The following RTRAF variants were observed in gnomAD, a reference collection of about 807,000 sequenced individuals.
The protein encoded by RTRAF is tRNA-splicing ligase complex subunit RTRAF.
Under a neutral mutation model 34.4 loss-of-function variants are expected in RTRAF, and 14 were observed. That is an observed-to-expected ratio of 0.41 (90% CI 0.27 to 0.64). The LOEUF (loss-of-function observed/expected upper bound fraction) is 0.64. RTRAF is among the 30% of genes least tolerant of loss of function. The pLI is 0.34. For synonymous variants in RTRAF, 96 were observed against 95.3 expected (o/e 1.01, Z -0.04); for missense variants, 291 against 288.4 (o/e 1.01, Z -0.06).
rs1006569361 is a variant in RTRAF, at chr14:52,007,699, A to T, written c.*3183A>T. 2.0e-6 allele frequency: 2 copies of T among 1,001,250 alleles called. No individual in the cohort carries two copies. Among genetic ancestry groups the T allele is most frequent in the East Asian group, 4.8e-5 (2 of 41,646 alleles). The allele number at this position is 1,001,250 out of a possible 1,614,324, so 62.0% of individuals were successfully genotyped here. A position where few individuals can be genotyped will look rare whatever the true frequency, so the allele number is the denominator to read the frequency against. On this transcript the variant is annotated 3_prime_UTR_variant, in exon 8 of 8. Transcript: ENST00000261700. ...TTTACTAGTACTTAAAAGTTTACAG[A>T]CCAAAGAAAGGAGATCTAAGTGATG... is the stretch of plus-strand genomic sequence containing the variant.
chr14:52,003,972 G>A (rs1890657951), intron 6 of RTRAF: 1 of 553,386 alleles, frequency 1.8e-6, no homozygotes, highest in Admixed American at 3.5e-5. Context: ...AGAGCTTCCT[G>A]GTACATTTAA....
rs1206383682 is a variant in RTRAF at position 52,008,491 on chromosome 14, CT to C, written c.*3977del. The C allele has an allele frequency of 1.3e-5, 2 of 152,554 alleles. No individual in the cohort carries two copies. The highest frequency in any genetic ancestry group is 3.9e-4 in the East Asian group (2 of 5,194). The allele number at this position is 152,554 out of a possible 1,614,324, so 9.5% of individuals were successfully genotyped here. On this transcript the variant is annotated 3_prime_UTR_variant, in exon 8 of 8. Transcript: ENST00000261700. ...CAGAAACTGTGAGACTAAATGTTAT[CT>C]TACACTGCTGAGGGTTTGGGCAATT... is the stretch of plus-strand genomic sequence containing the variant.
chr14:52,004,643 A>C lies in RTRAF; in HGVS notation c.*127A>C. The C allele has an allele frequency of 1.3e-6, 1 of 791,402 alleles. No individual in the cohort carries two copies. The highest frequency in any genetic ancestry group is 2.0e-6 in the Non-Finnish European group (1 of 511,480). 49.0% of individuals were successfully genotyped at this position (791,402 alleles called of 1,614,324 possible). A position where few individuals can be genotyped will look rare whatever the true frequency, so the allele number is the denominator to read the frequency against. The stretch of plus-strand genomic sequence containing the variant: ...CCAGAAAATTGGGTATGTTCTAGAG[A>C]TTTACCACCATTGCTTATTGCTTTT... On this transcript the variant is annotated 3_prime_UTR_variant, in exon 8 of 8. Transcript: ENST00000261700.
chr14:52,005,975 G>T lies in RTRAF; in HGVS notation c.*1459G>T. On this transcript the variant is annotated 3_prime_UTR_variant, in exon 8 of 8. Coordinates refer to ENST00000261700, the MANE Select transcript of RTRAF (RefSeq NM_016039.3). ...CAGCCTTCTCTGTCCCAGGGCTGGT[G>T]CTAAAGCCATACTGAAGTTTGAAGA... 1 of 676,718 alleles carries T rather than the reference G, an allele frequency of 1.5e-6. No individual in the cohort carries two copies. Among genetic ancestry groups the T allele is most frequent in the Non-Finnish European group, 2.7e-6 (1 of 377,232 alleles). The allele number at this position is 676,718 out of a possible 1,614,324, so 41.9% of individuals were successfully genotyped here.
chr14:51,989,958 C>T (rs1890400350), intron 1 of RTRAF, among the ~76,000 whole-genome samples: 1 of 152,254 alleles, frequency 6.6e-6, no homozygotes, highest in African/African-American at 2.4e-5. Context: ...TAACTACCTT[C>T]TCTGTACATA....
At chr14:51,997,723 G>T (rs1458816487) in intron 3 of RTRAF, among the ~76,000 whole-genome samples, 2 of 151,528 alleles carry the variant, frequency 1.3e-5, no homozygotes, top group African/African-American at 4.9e-5. Flanking sequence ...TTGATGTATT[G>T]ATTTTTTTGG....
rs1031419885 is a variant in RTRAF, at chr14:52,010,170, C to G, written c.*5654C>G. ...TTGAAACCACCTTTGAGGCACTGCA[C>G]TAAGTATTTCATAGTCAAAAAGCAC... On this transcript the variant is annotated 3_prime_UTR_variant, in exon 8 of 8. Transcript: ENST00000261700. The G allele has an allele frequency of 2.0e-5, 3 of 152,134 alleles. No individual in the cohort carries two copies. The highest frequency in any genetic ancestry group is 6.5e-5 in the Admixed American group (1 of 15,278). 9.4% of individuals were successfully genotyped at this position (152,134 alleles called of 1,614,324 possible).
At position 51,989,690 on chromosome 14, in the gene RTRAF, C is replaced by T; in HGVS notation, c.51C>T (p.Phe17=). The T allele has an allele frequency of 6.2e-7, 1 of 1,604,356 alleles. No homozygotes were observed. Among genetic ancestry groups the T allele is most frequent in the African/African-American group, 1.3e-5 (1 of 74,572 alleles). The part of the protein sequence containing the change: ...TALDYHNPAG[F]NCKDETEFRN... Reference sequence around the variant, plus strand: ...TCGACTACCACAACCCCGCCGGCTTCAACTGCAAAGGTGAGGCGGCGGCCT... The same window carrying T: ...TCGACTACCACAACCCCGCCGGCTTTAACTGCAAAGGTGAGGCGGCGGCCT... Residue 17 remains phenylalanine (F), a synonymous_variant, in exon 1 of 8, where the codon TTC becomes TTT. Transcript: ENST00000261700.
In RTRAF at chr14:52,004,619, C is replaced by T. The variant is rs1265754687; in HGVS notation, c.*103C>T. 1.7e-6 allele frequency: 2 copies of T among 1,173,730 alleles called. No homozygotes were observed. Among genetic ancestry groups the T allele is most frequent in the African/African-American group, 3.1e-5 (2 of 63,982 alleles). The allele number at this position is 1,173,730 out of a possible 1,614,324, so 72.7% of individuals were successfully genotyped here. A position where few individuals can be genotyped will look rare whatever the true frequency, so the allele number is the denominator to read the frequency against. On this transcript the variant is annotated 3_prime_UTR_variant, in exon 8 of 8. Coordinates refer to ENST00000261700, the MANE Select transcript of RTRAF (RefSeq NM_016039.3). ...TGTCACATTCTCGGGGGAGGAAGCC[C>T]AGAAAATTGGGTATGTTCTAGAGAT... is the stretch of plus-strand genomic sequence containing the variant.
At chr14:51,991,194 TTCA>T (rs1890428936) in intron 1 of RTRAF, 120 bp from the exon 2 acceptor site, 2 of 986,714 alleles carry the variant, frequency 2.0e-6, no homozygotes, top group East Asian at 5.1e-5. Context: ...CCTCTTTTGG[TTCA>T]ATTAATTTAG....
In RTRAF at chr14:51,999,807, T is replaced by G; in HGVS notation, c.462+11T>G. On this transcript the variant is annotated intron_variant, in intron 5 of 7. Transcript: ENST00000261700. ...CTGGTAATGCTTAAGGTCAGCTTCA[T>G]GTTCTTGATTCTTGACAGAAACTGT... 6.3e-7 allele frequency: 1 copy of G among 1,584,844 alleles called. No homozygotes were observed. The highest frequency in any genetic ancestry group is 1.1e-5 in the South Asian group (1 of 88,232).
chr14:52,002,330 T>G (rs925063495), intron 6 of RTRAF, among the ~76,000 whole-genome samples: 1 of 152,210 alleles, frequency 6.6e-6, no homozygotes, highest in Non-Finnish European at 1.5e-5. Context: ...GAGAAAGTAA[T>G]TTGGCTAAGG....
chr14:51,998,597 A>G lies in RTRAF; in HGVS notation c.373+17A>G, dbSNP rs1232472220. The stretch of plus-strand genomic sequence containing the variant: ...ATTTGGATGGTGAGTATATAAATGC[A>G]TAACATTGAACATCAACATTTTTGG... On this transcript the variant is annotated intron_variant, in intron 4 of 7. Coordinates refer to ENST00000261700, the MANE Select transcript of RTRAF (RefSeq NM_016039.3). The G allele has an allele frequency of 5.3e-6, 8 of 1,501,074 alleles. No individual in the cohort carries two copies. Among genetic ancestry groups the G allele is most frequent in the African/African-American group, 2.8e-5 (2 of 70,320 alleles). The allele number at this position is 1,501,074 out of a possible 1,614,324, so 93.0% of individuals were successfully genotyped here.
At position 51,989,577 on chromosome 14, in the gene RTRAF, C is replaced by A. The variant is rs140907299; in HGVS notation, c.-63C>A. On this transcript the variant is annotated 5_prime_UTR_variant, in exon 1 of 8. Transcript: ENST00000261700. ...CCGCGTCGCCGGTGCCTGCGCCTCC[C>A]GCTCCACCTCGCTTCTTCTCTCCCG... 458 of 1,525,288 alleles carry A rather than the reference C, an allele frequency of 3.0e-4. 2 individuals are homozygous for A. In the East Asian group the frequency reaches 0.011, roughly 36 times the overall value. 94.5% of individuals were successfully genotyped at this position (1,525,288 alleles called of 1,614,324 possible). A position where few individuals can be genotyped will look rare whatever the true frequency, so the allele number is the denominator to read the frequency against.
intron 6 of RTRAF, among the ~76,000 whole-genome samples, chr14:52,002,762 C>T (rs901156657): frequency 6.6e-6 from 1 of 152,206 alleles, no homozygotes; most frequent in African/African-American, 2.4e-5. Context: ...TTTGTCCTCC[C>T]TGCGCCCTTC....
chr14:52,008,213 C>A lies in RTRAF; in HGVS notation c.*3697C>A, dbSNP rs915338348. ...CTGCCTTAGGGGCTCTCTCTTGCTC[C>A]CTTTGAGGGAAGCTGGATGCCATGT... On this transcript the variant is annotated 3_prime_UTR_variant, in exon 8 of 8. Coordinates refer to ENST00000261700, the MANE Select transcript of RTRAF (RefSeq NM_016039.3). 5.8e-5 allele frequency: 21 copies of A among 364,406 alleles called. No individual in the cohort carries two copies. Among genetic ancestry groups the A allele is most frequent in the Non-Finnish European group, 9.9e-5 (20 of 202,240 alleles). The allele number at this position is 364,406 out of a possible 1,614,324, so 22.6% of individuals were successfully genotyped here. A position where few individuals can be genotyped will look rare whatever the true frequency, so the allele number is the denominator to read the frequency against.
At position 52,007,691 on chromosome 14, in the gene RTRAF, G is replaced by T; in HGVS notation, c.*3175G>T. ...TACTTAAATTTACTAGTACTTAAAA[G>T]TTTACAGACCAAAGAAAGGAGATCT... On this transcript the variant is annotated 3_prime_UTR_variant, in exon 8 of 8. Coordinates refer to ENST00000261700, the MANE Select transcript of RTRAF (RefSeq NM_016039.3). 1 of 952,728 alleles carries T rather than the reference G, an allele frequency of 1.0e-6. No individual in the cohort carries two copies. The highest frequency in any genetic ancestry group is 1.6e-6 in the Non-Finnish European group (1 of 617,156). 59.0% of individuals were successfully genotyped at this position (952,728 alleles called of 1,614,324 possible).
Position 52,005,476 on chromosome 14 carries a change from A to G in RTRAF, c.*960A>G, listed in dbSNP as rs377006679. On this transcript the variant is annotated 3_prime_UTR_variant, in exon 8 of 8. Coordinates refer to ENST00000261700, the MANE Select transcript of RTRAF (RefSeq NM_016039.3). ...TTGTAAACTCCAAGTCTTCCTTTAC[A>G]TTACTGTACTTACTTTCTTCCTGTG... is the stretch of plus-strand genomic sequence containing the variant. 2.8e-5 allele frequency: 45 copies of G among 1,591,092 alleles called. No homozygotes were observed. In the African/African-American group the frequency reaches 3.8e-4, roughly 13 times the overall value.
Position 52,005,752 on chromosome 14 carries a change from G to T in RTRAF, c.*1236G>T, listed in dbSNP as rs144037790. On this transcript the variant is annotated 3_prime_UTR_variant, in exon 8 of 8. Transcript: ENST00000261700. ...TACTTTTTACCTGTTGGGCAGTAGGGGTAGACTGCAGTTATCCCGTAGAGG... is the reference window on the plus strand; with the variant it reads ...TACTTTTTACCTGTTGGGCAGTAGGTGTAGACTGCAGTTATCCCGTAGAGG... The T allele has an allele frequency of 3.7e-6, 6 of 1,612,140 alleles. No homozygotes were observed. The highest frequency in any genetic ancestry group is 1.1e-5 in the South Asian group (1 of 91,034).
Sources: allele counts gnomAD v4.1 joint callset (sites outside exome capture counted in the v4.1 genomes callset), GRCh38; gene constraint gnomAD v4.1.1; transcripts MANE v1.5; gene names NCBI Gene and HGNC (gene_info 2026-07-23, HGNC 2026-07-21).